Variants in SMOC2 observed in about 807,000 individuals in gnomAD.
SMOC2 encodes SPARC related modular calcium binding 2.
SMOC2 carries 39 observed loss-of-function variants against 61.4 expected under a neutral mutation model. That is an observed-to-expected ratio of 0.64 (90% CI 0.49 to 0.83). The LOEUF is 0.83. Ranked by LOEUF, SMOC2 falls within the 40% of genes least tolerant of loss-of-function variation. The pLI, the probability that SMOC2 is intolerant of heterozygous loss-of-function variation, is 0.00. For missense variants in SMOC2, 556 were observed against 592.9 expected, an observed-to-expected ratio of 0.94 and a Z score of 0.65; for synonymous variants, 247 against 239.9, an observed-to-expected ratio of 1.03 and a Z score of -0.27.
At chr6:168,645,060 C>T (rs1449153065) in intron 9 of SMOC2, among the ~76,000 whole-genome samples, 1 of 152,160 alleles carries the variant, frequency 6.6e-6, no homozygotes, top group Non-Finnish European at 1.5e-5. Flanking sequence ...AATCCTGGTT[C>T]CTAACATTCA....
At chr6:168,598,692 C>A (rs1352140375) in intron 7 of SMOC2, 126 bp from the exon 8 acceptor site, 2 of 1,092,552 alleles carry the variant, frequency 1.8e-6, no homozygotes, top group Non-Finnish European at 2.7e-6. Context: ...CGCTGGCAGG[C>A]CCTCCTGCTC....
intron 7 of SMOC2, among the ~76,000 whole-genome samples, chr6:168,581,775 C>T (rs773404843): frequency 8.5e-5 from 13 of 152,294 alleles, no homozygotes; most frequent in South Asian, 8.3e-4. Flanking sequence ...CCTGGGACCC[C>T]GCTGCCTCCC....
intron 8 of SMOC2, among the ~76,000 whole-genome samples, chr6:168,601,854 T>C (rs79499058): frequency 0.01 from 1,535 of 152,290 alleles, 23 homozygotes; most frequent in African/African-American, 0.033. Context: ...TCGATGCTGG[T>C]TTCATTCTGC....
intron 1 of SMOC2, among the ~76,000 whole-genome samples, chr6:168,488,238 T>A (rs1161837818): frequency 6.6e-6 from 1 of 152,236 alleles, no homozygotes; most frequent in Non-Finnish European, 1.5e-5. Context: ...TTGGCATTCC[T>A]CCGCTTGCAG....
At chr6:168,621,039 T>A (rs1215922034) in intron 9 of SMOC2, among the ~76,000 whole-genome samples, 2 of 149,840 alleles carry the variant, frequency 1.3e-5, no homozygotes, top group Non-Finnish European at 2.9e-5. Context: ...ACCCCTAGGA[T>A]GTTTTCTCAG....
At chr6:168,589,634 G>C (rs111568213) in intron 7 of SMOC2, among the ~76,000 whole-genome samples, 2 of 150,920 alleles carry the variant, frequency 1.3e-5, no homozygotes, top group Non-Finnish European at 3.0e-5. Flanking sequence ...CATTAGTTTA[G>C]GGGGCAGCCG....
At chr6:168,441,592 C>A in intron 1 of SMOC2, 138 bp downstream of exon 1, 1 of 1,223,838 alleles carries the variant, frequency 8.2e-7, no homozygotes, top group Non-Finnish European at 1.1e-6. Flanking sequence ...GTGGAGCCTT[C>A]GCCTGCCGGC....
At chr6:168,608,326 ACT>A in intron 9 of SMOC2, 87 bp downstream of exon 9, 1 of 1,408,800 alleles carries the variant, frequency 7.1e-7, no homozygotes, top group Non-Finnish European at 9.7e-7. Context: ...ACTTTATCTG[ACT>A]CTGTTTCCCA....
At chr6:168,497,002 G>A (rs939475869) in intron 1 of SMOC2, among the ~76,000 whole-genome samples, 2 of 152,210 alleles carry the variant, frequency 1.3e-5, no homozygotes, top group Non-Finnish European at 2.9e-5. Flanking sequence ...GCAAGCATGG[G>A]GAAGGCTGAG....
chr6:168,614,503 A>T (rs1352582666), intron 9 of SMOC2, among the ~76,000 whole-genome samples: 2 of 50,162 alleles, frequency 4.0e-5, no homozygotes. Context: ...CTTCACACCT[A>T]CAGCCAGCAC....
At position 168,549,328 on chromosome 6, in the gene SMOC2, C is replaced by T. The variant is rs1784078812; in HGVS notation, c.637+125C>T. On this transcript the variant is annotated intron_variant, in intron 7 of 12. Transcript: ENST00000356284. ...TTGAACAACATGGGGGTGAGGGGTG[C>T]AGACCTGGCACAAACATCTGAGGAT... is the stretch of plus-strand genomic sequence containing the variant. 9 of 766,666 alleles carry T rather than the reference C, an allele frequency of 1.2e-5. No individual in the cohort carries two copies. In the South Asian group the frequency reaches 1.4e-4, roughly 12 times the overall value. The allele number at this position is 766,666 out of a possible 1,614,324, so 47.5% of individuals were successfully genotyped here.
In SMOC2 at chr6:168,622,394, T is replaced by G. The variant is rs1396754153; in HGVS notation, c.907+14155T>G. ...GCCGGATTCATGAATTGTTCATTGT[T>G]CAATTAAACTCCTTTACATTAAAAA... On this transcript the variant is annotated intron_variant, in intron 9 of 12. Coordinates refer to ENST00000356284, the MANE Select transcript of SMOC2 (RefSeq NM_001166412.2). 2.6e-5 allele frequency among the ~76,000 whole-genome samples: 4 copies of G among 152,034 alleles called. No individual in the cohort carries two copies. In the East Asian group the frequency reaches 7.7e-4, roughly 29 times the overall value.
intron 1 of SMOC2, among the ~76,000 whole-genome samples, chr6:168,445,842 C>T (rs1297186700): frequency 2.0e-5 from 3 of 152,090 alleles, no homozygotes; most frequent in East Asian, 3.9e-4. Context: ...AAATCAAGAC[C>T]GTAAATAACA....
chr6:168,556,152 C>G (rs1784244349), intron 7 of SMOC2, among the ~76,000 whole-genome samples: 1 of 152,170 alleles, frequency 6.6e-6, no homozygotes, highest in Non-Finnish European at 1.5e-5. Context: ...TCCCGGGGGT[C>G]CGCGGCTGTG....
intron 4 of SMOC2, among the ~76,000 whole-genome samples, chr6:168,539,115 C>T (rs1164621719): frequency 2.6e-5 from 4 of 152,106 alleles, no homozygotes; most frequent in Admixed American, 2.6e-4. Flanking sequence ...ATGAAATGCC[C>T]GCATGTCCCC....
At chr6:168,662,550 C>T (rs1440122099) in intron 11 of SMOC2, among the ~76,000 whole-genome samples, 1 of 152,214 alleles carries the variant, frequency 6.6e-6, no homozygotes, top group Non-Finnish European at 1.5e-5. Flanking sequence ...TGGGGCAGAG[C>T]CCACCCCGCC....
chr6:168,536,541 T>G (rs1424500891), intron 4 of SMOC2, among the ~76,000 whole-genome samples: 1 of 151,566 alleles, frequency 6.6e-6, no homozygotes, highest in African/African-American at 2.4e-5. Context: ...AGGAAGGAGG[T>G]CCTACCACTT....
rs768017680 is a variant in SMOC2, at chr6:168,598,818, T to C, written c.638T>C (p.Val213Ala). 5.6e-6 allele frequency: 9 copies of C among 1,613,552 alleles called. No individual in the cohort carries two copies. The African/African-American group carries it at 1.2e-4, about 22-fold the overall frequency. Residue 213 changes from valine (V) to alanine (A), a missense_variant and splice_region_variant, in exon 8 of 13, where the codon GTG becomes GCG. By Grantham distance (64) the Val-to-Ala change is moderately conservative. Coordinates refer to ENST00000356284, the MANE Select transcript of SMOC2 (RefSeq NM_001166412.2). ...SRQNKTNKNS[V>A]SSCDQEHQSA... ...CCTTTTGCCTTCTTCTTCCCCGCAG[T>C]GTCATCCTGTGACCAAGAGCACCAG...
intron 1 of SMOC2, among the ~76,000 whole-genome samples, chr6:168,495,440 T>A (rs1208515961): frequency 1.3e-5 from 2 of 152,228 alleles, no homozygotes; most frequent in Non-Finnish European, 2.9e-5. Flanking sequence ...CTTGGGAACC[T>A]GAGTTTTTAA....
Sources: gnomAD v4.1 joint callset for allele counts (sites outside exome capture counted in the v4.1 genomes callset) on GRCh38, gnomAD v4.1.1 for gene constraint, MANE v1.5 for transcripts, NCBI Gene and HGNC (gene_info 2026-07-23, HGNC 2026-07-21) for gene names.